Variants in UBE2G1 observed in about 807,000 individuals in gnomAD.
UBE2G1 encodes the protein ubiquitin-conjugating enzyme E2 G1.
Under a neutral mutation model 22.7 loss-of-function variants are expected in UBE2G1, and 5 were observed. That is an observed-to-expected ratio of 0.22 (90% CI 0.12 to 0.46). UBE2G1 has a LOEUF of 0.46. Among genes scored for constraint, UBE2G1 ranks in the 20% least tolerant of loss-of-function variants. The pLI is 0.99. For synonymous variants in UBE2G1, 74 were observed against 67.5 expected, an observed-to-expected ratio of 1.10 and a Z score of -0.47; for missense variants, 88 against 203.9, an observed-to-expected ratio of 0.43 and a Z score of 3.46.
In UBE2G1 at chr17:4,307,078, T is replaced by A; in HGVS notation, c.92A>T (p.Asp31Val). 6.2e-7 allele frequency: 1 copy of A among 1,614,128 alleles called. No individual in the cohort carries two copies. Among genetic ancestry groups the A allele is most frequent in the Non-Finnish European group, 8.5e-7 (1 of 1,179,990 alleles). ...TTCCCATCGGTAGAGATCATTGTCA[T>A]CTATTAAACCTGCAGAAAAGCCTTC... Reference protein sequence around the residue: ...PVEGFSAGLIDDNDLYRWEVL... With the variant: ...PVEGFSAGLIVDNDLYRWEVL... The change falls in exon 2 of 6, where the codon GAT becomes GTT. Residue 31 changes from aspartate (D) to valine (V), a missense_variant. Physicochemically the swap from Asp to Val is radical, Grantham distance 152 (BLOSUM62 -3). Transcript: ENST00000396981.
At chr17:4,319,800 A>G (rs1567522679) in intron 1 of UBE2G1, among the ~76,000 whole-genome samples, 1 of 152,184 alleles carries the variant, frequency 6.6e-6, no homozygotes, top group Non-Finnish European at 1.5e-5. Context: ...CATGTATTGT[A>G]AACTTTAAGG....
chr17:4,351,069 C>T (rs532092132), intron 1 of UBE2G1, among the ~76,000 whole-genome samples: 26 of 148,682 alleles, frequency 1.7e-4, no homozygotes, highest in African/African-American at 5.9e-4. Context: ...TGTAGTGGTG[C>T]GTGCCTGTAA....
chr17:4,330,968 C>A, intron 1 of UBE2G1, among the ~76,000 whole-genome samples: 1 of 90,638 alleles, frequency 1.1e-5, no homozygotes, highest in African/African-American at 1.1e-4. Flanking sequence ...TCTTATAAAC[C>A]TTTAAAACCA....
At chr17:4,289,030 C>A (rs533959966) in intron 4 of UBE2G1, among the ~76,000 whole-genome samples, 200 bp downstream of exon 4, 234 of 150,950 alleles carry the variant, frequency 1.6e-3, no homozygotes, top group Non-Finnish European at 2.4e-3. Flanking sequence ...ACAGAGAGAC[C>A]CTGTCTCAAA....
chr17:4,363,834 C>G (rs1005845473), intron 1 of UBE2G1, among the ~76,000 whole-genome samples: 2 of 151,128 alleles, frequency 1.3e-5, no homozygotes, highest in Admixed American at 6.6e-5. Context: ...CGCCTGTAGT[C>G]CCAGCTACTC....
intron 1 of UBE2G1, among the ~76,000 whole-genome samples, chr17:4,353,637 C>T (rs1371934181): frequency 2.6e-5 from 4 of 151,328 alleles, no homozygotes; most frequent in Non-Finnish European, 5.9e-5. Context: ...CTCAGCCTCC[C>T]GAGTAGCTGG....
In UBE2G1 at chr17:4,344,394, G is replaced by A. The variant is rs1234786249; in HGVS notation, c.46+21877C>T. On this transcript the variant is annotated intron_variant, in intron 1 of 5. Transcript: ENST00000396981. ...TCTCTACTAAAACTACAAAAAATTAGCTGGGTGTGGTGATGGGGGCCTGTA... is the reference window on the plus strand; with the variant it reads ...TCTCTACTAAAACTACAAAAAATTAACTGGGTGTGGTGATGGGGGCCTGTA... 2.0e-5 allele frequency among the ~76,000 whole-genome samples: 3 copies of A among 152,224 alleles called. No homozygotes were observed. The East Asian group carries it at 5.8e-4, about 29-fold the overall frequency.
chr17:4,317,139 C>A (rs989490247), intron 1 of UBE2G1, among the ~76,000 whole-genome samples: 2 of 151,920 alleles, frequency 1.3e-5, no homozygotes, highest in African/African-American at 4.8e-5. Context: ...AACCTGAGGT[C>A]AGGAGTTTAA....
At chr17:4,365,761 G>A (rs916333867) in intron 1 of UBE2G1, among the ~76,000 whole-genome samples, 8 of 152,290 alleles carry the variant, frequency 5.3e-5, no homozygotes, top group South Asian at 2.1e-4. Context: ...CAACTCCGCG[G>A]ACCCAGCGCC....
intron 5 of UBE2G1, among the ~76,000 whole-genome samples, chr17:4,274,049 C>G (rs956345291): frequency 6.6e-6 from 1 of 151,710 alleles, no homozygotes; most frequent in Non-Finnish European, 1.5e-5. Context: ...GGCGCGATCT[C>G]GGCTCACTGC....
intron 1 of UBE2G1, among the ~76,000 whole-genome samples, chr17:4,318,880 T>C (rs1334068240): frequency 2.0e-5 from 3 of 152,004 alleles, no homozygotes; most frequent in African/African-American, 7.2e-5. Flanking sequence ...CACCAAATAA[T>C]ACATATAAAA....
chr17:4,353,448 GATAT>G (rs142740176), intron 1 of UBE2G1, among the ~76,000 whole-genome samples: 1 of 139,426 alleles, frequency 7.2e-6, no homozygotes, highest in African/African-American at 2.8e-5. Flanking sequence ...GAGTTTCGTT[GATAT>G]ATATATATAT....
intron 1 of UBE2G1, among the ~76,000 whole-genome samples, chr17:4,350,091 T>C (rs1969827555): frequency 6.6e-6 from 1 of 152,100 alleles, no homozygotes; most frequent in South Asian, 2.1e-4. Context: ...ACCCAGCGCT[T>C]AAAACTTTTT....
chr17:4,345,441 T>A (rs902375033), intron 1 of UBE2G1, among the ~76,000 whole-genome samples: 9 of 152,342 alleles, frequency 5.9e-5, no homozygotes, highest in African/African-American at 1.9e-4. Flanking sequence ...AAAGGCACTT[T>A]TAAAAATTCA....
At chr17:4,306,869 C>T in intron 2 of UBE2G1, 152 bp downstream of exon 2, 1 of 526,780 alleles carries the variant, frequency 1.9e-6, no homozygotes, top group Admixed American at 3.2e-5. Flanking sequence ...CCAGGCTGGT[C>T]TCGAACTCCT....
At chr17:4,274,234 G>T (rs1266273944) in intron 5 of UBE2G1, among the ~76,000 whole-genome samples, 5 of 125,406 alleles carry the variant, frequency 4.0e-5, no homozygotes, top group African/African-American at 6.1e-5. Context: ...GTCTTGCTCT[G>T]TCGCCCAGGC....
intron 4 of UBE2G1, among the ~76,000 whole-genome samples, chr17:4,288,427 C>T (rs1968996451): frequency 6.6e-6 from 1 of 152,084 alleles, no homozygotes; most frequent in African/African-American, 2.4e-5. Context: ...GGGGTTTCAC[C>T]GTGTTAGCCA....
chr17:4,291,623 A>G (rs1969043637), intron 3 of UBE2G1, among the ~76,000 whole-genome samples: 1 of 152,156 alleles, frequency 6.6e-6, no homozygotes, highest in Non-Finnish European at 1.5e-5. Context: ...TTCTCATGTC[A>G]TTTTAAACAT....
chr17:4,283,009 C>A, intron 4 of UBE2G1, 88 bp from the exon 5 acceptor site: 1 of 1,135,240 alleles, frequency 8.8e-7, no homozygotes, highest in African/African-American at 1.6e-5. Context: ...AATGTAATCC[C>A]TTGGTGATTT....
Sources: gnomAD v4.1 joint callset for allele counts (sites outside exome capture counted in the v4.1 genomes callset) on GRCh38, gnomAD v4.1.1 for gene constraint, MANE v1.5 for transcripts, NCBI Gene and HGNC (gene_info 2026-07-23, HGNC 2026-07-21) for gene names.